The following RARS1 variants were observed in gnomAD, a reference collection of about 807,000 sequenced individuals.
RARS1 encodes arginine--tRNA ligase, cytoplasmic.
RARS1 carries 75 observed loss-of-function variants against 78.7 expected under a neutral mutation model. That is an observed-to-expected ratio of 0.95 (90% confidence interval 0.79 to 1.15). RARS1 has a LOEUF of 1.15. Ranked by LOEUF, RARS1 falls within the 50% of genes most tolerant of loss-of-function variation. The pLI is 0.00. For missense variants in RARS1, 787 were observed against 787.5 expected (o/e 1.00, Z 0.01); for synonymous variants, 273 against 268.2 (o/e 1.02, Z -0.18).
At position 168,503,461 on chromosome 5, in the gene RARS1, AGTT is replaced by A. The variant is rs1758371683; in HGVS notation, c.1057+1360_1057+1362del. On this transcript the variant is annotated intron_variant, in intron 9 of 14. Transcript: ENST00000231572. ...GTTTGTTCCTTAGCATCTCAAAGTG[AGTT>A]GTTTGATTTTGATATTATTGTGGTG... Among the ~76,000 whole-genome samples, 5 of 152,186 alleles carry A rather than the reference AGTT, an allele frequency of 3.3e-5. No homozygotes were observed. The South Asian group carries it at 1.0e-3, about 32-fold the overall frequency.
intron 8 of RARS1, 116 bp from the exon 9 acceptor site, chr5:168,501,885 A>C: frequency 7.2e-7 from 1 of 1,397,826 alleles, no homozygotes. Flanking sequence ...TTTTTATGTA[A>C]TTAATTTCCT....
chr5:168,495,314 G>A lies in RARS1; in HGVS notation c.580-1G>A. On this transcript the variant is annotated splice_acceptor_variant, in intron 5 of 14. Transcript: ENST00000231572. LOFTEE classifies it high-confidence loss of function. ...AGCCTTTCTCTTTTTGTCTACCCCA[G>A]GTTATAGTTGACTTTTCCTCCCCTA... is the stretch of plus-strand genomic sequence containing the variant. 1 of 1,613,286 alleles carries A rather than the reference G, an allele frequency of 6.2e-7. No individual in the cohort carries two copies. The highest frequency in any genetic ancestry group is 8.5e-7 in the Non-Finnish European group (1 of 1,179,550).
At chr5:168,490,864 C>T (rs919710719) in intron 2 of RARS1, among the ~76,000 whole-genome samples, 1 of 152,196 alleles carries the variant, frequency 6.6e-6, no homozygotes, top group African/African-American at 2.4e-5. Flanking sequence ...AGGTTGGGCG[C>T]AGTGGCTCAC....
intron 2 of RARS1, among the ~76,000 whole-genome samples, chr5:168,490,595 A>C (rs1262980677): frequency 1.3e-5 from 2 of 152,368 alleles, no homozygotes; most frequent in East Asian, 3.9e-4. Context: ...GGTACACAGC[A>C]GAACTAAAAA....
intron 9 of RARS1, among the ~76,000 whole-genome samples, chr5:168,505,169 T>A (rs1758410931): frequency 6.6e-6 from 1 of 152,176 alleles, no homozygotes; most frequent in Non-Finnish European, 1.5e-5. Flanking sequence ...GCCTTTACAT[T>A]ACCAAGCCTC....
intron 7 of RARS1, 27 bp from the exon 8 acceptor site, chr5:168,500,564 T>A (rs1174235814): frequency 7.0e-7 from 1 of 1,428,056 alleles, no homozygotes. Flanking sequence ...TTACACACCT[T>A]ACTTTTTAAA....
rs145903049 is a variant in RARS1, at chr5:168,515,084, A to C, written c.1453-1694A>C. ...CATGATATTGATAAGCTTCATAATT[A>C]ATAATAATAATTTTGATCTCTTTGG... is the stretch of plus-strand genomic sequence containing the variant. On this transcript the variant is annotated intron_variant, in intron 12 of 14. Coordinates refer to ENST00000231572, the MANE Select transcript of RARS1 (RefSeq NM_002887.4). Among the ~76,000 whole-genome samples, 606 of 152,294 alleles carry C rather than the reference A, an allele frequency of 4.0e-3. 1 individual carries two copies. Among genetic ancestry groups the C allele is most frequent in the African/African-American group, 0.014 (576 of 41,570 alleles).
chr5:168,495,650 A>G (rs1758170773), intron 6 of RARS1, among the ~76,000 whole-genome samples: 1 of 152,070 alleles, frequency 6.6e-6, no homozygotes, highest in Non-Finnish European at 1.5e-5. Context: ...TTAGACTCTT[A>G]GTGGAACCAA....
In RARS1 at chr5:168,502,029, C is replaced by T. The variant is rs772510800; in HGVS notation, c.981C>T (p.Asp327=). Residue 327 remains aspartate (D), a synonymous_variant, in exon 9 of 15, where the codon GAC becomes GAT. Coordinates refer to ENST00000231572, the MANE Select transcript of RARS1 (RefSeq NM_002887.4). ...QELNKIYDAL[D]VSLIERGESF... is the part of the protein sequence containing the mutation. ...TAAATAAAATCTATGATGCATTGGACGTCTCTTTAATAGAGAGAGGGGAAT... is the reference window on the plus strand; with the variant it reads ...TAAATAAAATCTATGATGCATTGGATGTCTCTTTAATAGAGAGAGGGGAAT... 7.5e-6 allele frequency: 12 copies of T among 1,595,472 alleles called. No individual in the cohort carries two copies. Among genetic ancestry groups the T allele is most frequent in the South Asian group, 2.3e-5 (2 of 87,114 alleles).
chr5:168,496,319 C>G (rs1758184634), intron 6 of RARS1, among the ~76,000 whole-genome samples: 1 of 147,342 alleles, frequency 6.8e-6, no homozygotes, highest in Non-Finnish European at 1.5e-5. Flanking sequence ...GCAGAGATAG[C>G]AGTGAGCTGA....
intron 11 of RARS1, 80 bp downstream of exon 11, chr5:168,506,911 T>A: frequency 8.6e-7 from 1 of 1,160,184 alleles, no homozygotes; most frequent in Non-Finnish European, 1.3e-6. Flanking sequence ...ATATTAGAAT[T>A]AAGAAAGTCC....
In RARS1 at chr5:168,488,706, AT is replaced by A. The variant is rs1561818317; in HGVS notation, c.152del (p.Leu51Ter). ...AGCAGTTACAAGAAGAAAATTTAAA[AT>A]TAAAGTATCGACTGAATATTCTTCG... is the stretch of plus-strand genomic sequence containing the variant. Reference protein sequence around the residue: ...LEQLQEENLKLKYRLNILRKS... With the variant: ...LEQLQEENLKXKYRLNILRKS... On this transcript the variant is annotated frameshift_variant, in exon 2 of 15. Transcript: ENST00000231572. LOFTEE classifies it high-confidence loss of function. The A allele has an allele frequency of 6.2e-7, 1 of 1,610,926 alleles. No homozygotes were observed. Among genetic ancestry groups the A allele is most frequent in the Non-Finnish European group, 8.5e-7 (1 of 1,179,176 alleles).
At position 168,502,381 on chromosome 5, in the gene RARS1, TA is replaced by T. The variant is rs151308502; in HGVS notation, c.1057+277del. Among the ~76,000 whole-genome samples, 1,019 of 83,256 alleles carry T rather than the reference TA, an allele frequency of 0.012. 22 individuals carry two copies. Among genetic ancestry groups the T allele is most frequent in the African/African-American group, 0.05 (964 of 19,162 alleles). 54.6% of individuals were successfully genotyped at this position (83,256 alleles called of 152,430 possible). A position where few individuals can be genotyped will look rare whatever the true frequency, so the allele number is the denominator to read the frequency against. On this transcript the variant is annotated intron_variant, in intron 9 of 14. Transcript: ENST00000231572. Reference sequence around the variant, plus strand: ...TAACAAATATATATATATATATATATATATTTTTTTTTTTTAAAACAATCTT... The same window carrying T: ...TAACAAATATATATATATATATATATTATTTTTTTTTTTTAAAACAATCTT...
intron 12 of RARS1, among the ~76,000 whole-genome samples, chr5:168,511,894 C>G (rs1308980732): frequency 1.3e-5 from 2 of 152,138 alleles, no homozygotes; most frequent in Non-Finnish European, 2.9e-5. Context: ...GAGACAGAGT[C>G]TCACTCTGTC....
chr5:168,502,378 A>AT (rs1451449236), intron 9 of RARS1, among the ~76,000 whole-genome samples: 28 of 89,142 alleles, frequency 3.1e-4, no homozygotes, highest in African/African-American at 9.3e-4. Context: ...ATATATATAT[A>AT]TATATATTTT....
At chr5:168,488,296 T>C (rs1193059119) in intron 1 of RARS1, 2 of 331,920 alleles carry the variant, frequency 6.0e-6, no homozygotes, top group Non-Finnish European at 1.2e-5. Flanking sequence ...CCTAGCTAAT[T>C]TTTGTATTTT....
In RARS1 at chr5:168,495,347, TAA is replaced by T. The variant is rs1422385923; in HGVS notation, c.614_615del (p.Lys205ArgfsTer21). 7 of 1,614,028 alleles carry T rather than the reference TAA, an allele frequency of 4.3e-6. No individual in the cohort carries two copies. The highest frequency in any genetic ancestry group is 5.9e-6 in the Non-Finnish European group (7 of 1,179,932). ...IVDFSSPNIA[K>X]EMHVGHLRST... The stretch of plus-strand genomic sequence containing the variant: ...TTGACTTTTCCTCCCCTAATATAGC[TAA>T]AGAGATGCATGTAGGCCACCTGAGG... On this transcript the variant is annotated frameshift_variant, in exon 6 of 15. Transcript: ENST00000231572. LOFTEE classifies it high-confidence loss of function.
intron 6 of RARS1, 72 bp downstream of exon 6, chr5:168,495,508 A>G: frequency 6.5e-7 from 1 of 1,531,098 alleles, no homozygotes; most frequent in Non-Finnish European, 8.8e-7. Context: ...AGAACATGGA[A>G]TATCTCACTC....
chr5:168,507,218 A>G (rs756450111), intron 11 of RARS1, among the ~76,000 whole-genome samples: 1 of 152,244 alleles, frequency 6.6e-6, no homozygotes. Context: ...GGCAAAAGGT[A>G]TAAGTTATTG....
Sources: gnomAD v4.1 joint callset for allele counts (sites outside exome capture counted in the v4.1 genomes callset) on GRCh38, gnomAD v4.1.1 for gene constraint, MANE v1.5 for transcripts, NCBI Gene and HGNC (gene_info 2026-07-23, HGNC 2026-07-21) for gene names.